Variants in RASGRF1 observed in about 807,000 individuals in gnomAD.
RASGRF1 encodes Ras protein specific guanine nucleotide releasing factor 1.
A neutral mutation model predicts 138.7 loss-of-function variants in RASGRF1; 40 were observed. That is an observed-to-expected ratio of 0.29 (90% CI 0.22 to 0.38). The LOEUF (loss-of-function observed/expected upper bound fraction) is 0.38, where lower values mean the gene tolerates loss of function less well. Among genes scored for constraint, RASGRF1 ranks in the 10% least tolerant of loss-of-function variants. RASGRF1 has a pLI of 1.00. For missense variants in RASGRF1, 1,108 were observed against 1,650.4 expected (o/e 0.67, Z 5.69); for synonymous variants, 614 against 663.2 (o/e 0.93, Z 1.14).
intron 22 of RASGRF1, among the ~76,000 whole-genome samples, chr15:78,987,723 C>A (rs993862751): frequency 1.4e-4 from 21 of 151,346 alleles, no homozygotes; most frequent in East Asian, 3.9e-4. Flanking sequence ...ACAAAAAAAA[C>A]CAAAAAACCC....
intron 3 of RASGRF1, among the ~76,000 whole-genome samples, chr15:79,049,837 G>T (rs2057406941): frequency 1.3e-5 from 2 of 152,304 alleles, no homozygotes; most frequent in South Asian, 2.1e-4. Flanking sequence ...CAGCTGGGCT[G>T]CCCAACCAGA....
chr15:78,980,525 A>G, intron 24 of RASGRF1, 95 bp downstream of exon 24: 1 of 970,172 alleles, frequency 1.0e-6, no homozygotes, highest in Non-Finnish European at 1.6e-6. Flanking sequence ...ACAGACAGAA[A>G]GACCTCCTGC....
chr15:78,987,659 G>A (rs2056187926), intron 22 of RASGRF1, among the ~76,000 whole-genome samples: 1 of 152,058 alleles, frequency 6.6e-6, no homozygotes, highest in African/African-American at 2.4e-5. Flanking sequence ...TTGTACTACT[G>A]CACTCCAGCC....
intron 1 of RASGRF1, among the ~76,000 whole-genome samples, chr15:79,090,018 C>T (rs571390159): frequency 1.3e-5 from 2 of 152,346 alleles, no homozygotes; most frequent in Admixed American, 1.3e-4. Flanking sequence ...CATCTACTCC[C>T]CGCCCTCAAT....
At chr15:79,031,610 A>G (rs2057138154) in intron 7 of RASGRF1, 101 bp from the exon 8 acceptor site, 1 of 293,762 alleles carries the variant, frequency 3.4e-6, no homozygotes, top group Non-Finnish European at 7.4e-6. Context: ...GAGAGAGAGA[A>G]AGAGGGAGAG....
intron 3 of RASGRF1, 25 bp downstream of exon 3, chr15:79,058,309 G>A (rs758769856): frequency 1.2e-6 from 2 of 1,607,678 alleles, no homozygotes; most frequent in East Asian, 2.2e-5. Context: ...CTAGGGCCTG[G>A]GCCCACCCCC....
At chr15:79,078,037 A>G (rs537543205) in intron 1 of RASGRF1, among the ~76,000 whole-genome samples, 1 of 152,092 alleles carries the variant, frequency 6.6e-6, no homozygotes, top group Admixed American at 6.5e-5. Context: ...CCCCGCCATC[A>G]TTGACCTTTG....
intron 17 of RASGRF1, 48 bp downstream of exon 17, chr15:78,999,695 G>A (rs751460565): frequency 7.5e-6 from 12 of 1,590,102 alleles, no homozygotes; most frequent in Admixed American, 6.7e-5. Flanking sequence ...ACCTGCCACT[G>A]GGGCTGACCA....
intron 3 of RASGRF1, among the ~76,000 whole-genome samples, chr15:79,055,141 G>A (rs1258451372): frequency 2.6e-5 from 4 of 152,266 alleles, no homozygotes; most frequent in South Asian, 4.1e-4. Flanking sequence ...TGGGTAAGTC[G>A]CTTCCTCCCC....
chr15:79,041,033 A>C (rs1332113896), intron 5 of RASGRF1, among the ~76,000 whole-genome samples: 1 of 152,250 alleles, frequency 6.6e-6, no homozygotes, highest in African/African-American at 2.4e-5. Flanking sequence ...TGGATGCACA[A>C]TTCTAGTAGG....
intron 5 of RASGRF1, among the ~76,000 whole-genome samples, chr15:79,041,041 A>T (rs1003288822): frequency 2.0e-5 from 3 of 152,248 alleles, no homozygotes; most frequent in African/African-American, 7.2e-5. Context: ...CAATTCTAGT[A>T]GGCACCATTC....
chr15:78,991,818 C>A, intron 20 of RASGRF1, 24 bp from the exon 21 acceptor site: 2 of 1,589,620 alleles, frequency 1.3e-6, no homozygotes, highest in Non-Finnish European at 1.7e-6. Context: ...GGGGGAGCAA[C>A]ATTTTGAGTT....
chr15:78,972,576 A>T (rs4778739), intron 25 of RASGRF1, among the ~76,000 whole-genome samples: 146,069 of 152,212 alleles, frequency 0.96, 70,377 homozygotes, highest in East Asian at 1. Context: ...TAAAGGCATC[A>T]GCCACTTCCT....
At position 78,973,507 on chromosome 15, in the gene RASGRF1, C is replaced by T; in HGVS notation, c.3495-87G>A. The T allele has an allele frequency of 4.9e-6, 5 of 1,022,928 alleles. No homozygotes were observed. Among genetic ancestry groups the T allele is most frequent in the Non-Finnish European group, 7.4e-6 (5 of 672,324 alleles). The allele number at this position is 1,022,928 out of a possible 1,614,324, so 63.4% of individuals were successfully genotyped here. On this transcript the variant is annotated intron_variant, in intron 24 of 26. Coordinates refer to ENST00000558480, the MANE Select transcript of RASGRF1 (RefSeq NM_001145648.3). The surrounding 1 kb of genome is among the most constrained non-coding windows in gnomAD (Gnocchi z 4.9). ...CAGAACATCCCGCATGCACCTTTTG[C>T]TTTGCTAGAGGCAAAGGGACTTGCA...
intron 5 of RASGRF1, among the ~76,000 whole-genome samples, chr15:79,041,205 T>C (rs1424107774): frequency 6.6e-6 from 1 of 152,220 alleles, no homozygotes; most frequent in Non-Finnish European, 1.5e-5. Context: ...ATAGCCACAC[T>C]CATTTGTTTT....
Position 78,979,026 on chromosome 15 carries a change from C to T in RASGRF1, c.3494+1594G>A, listed in dbSNP as rs749717890. Reference sequence around the variant, plus strand: ...GCAGTGGAGGCAGCGGTGGTGGCGGCGGCAGACGAGGAAGCCAGCCATGTG... The same window carrying T: ...GCAGTGGAGGCAGCGGTGGTGGCGGTGGCAGACGAGGAAGCCAGCCATGTG... On this transcript the variant is annotated intron_variant, in intron 24 of 26. Transcript: ENST00000558480. 96 of 1,293,474 alleles carry T rather than the reference C, an allele frequency of 7.4e-5. No homozygotes were observed. In the Middle Eastern group the frequency reaches 8.8e-4, roughly 12 times the overall value. The allele number at this position is 1,293,474 out of a possible 1,614,324, so 80.1% of individuals were successfully genotyped here.
chr15:79,050,333 C>T lies in RASGRF1; in HGVS notation c.532-745G>A, dbSNP rs2057413723. 6.6e-6 allele frequency among the ~76,000 whole-genome samples: 1 copy of T among 152,212 alleles called. No individual in the cohort carries two copies. Among genetic ancestry groups the T allele is most frequent in the Non-Finnish European group, 1.5e-5 (1 of 68,036 alleles). ...TGTTGCAGCGTGGGTCAATTTCCTT[C>T]CCTTTCAAGGCCAAGCAATATTCCC... On this transcript the variant is annotated intron_variant, in intron 3 of 26. Coordinates refer to ENST00000558480, the MANE Select transcript of RASGRF1 (RefSeq NM_001145648.3). The surrounding 1 kb of genome is among the most constrained non-coding windows in gnomAD (Gnocchi z 4.1).
At chr15:79,040,703 A>T (rs1181426905) in intron 5 of RASGRF1, among the ~76,000 whole-genome samples, 1 of 151,900 alleles carries the variant, frequency 6.6e-6, no homozygotes, top group Admixed American at 6.5e-5. Context: ...TTTAAAATCA[A>T]GTTTTGGTAA....
intron 24 of RASGRF1, among the ~76,000 whole-genome samples, chr15:78,978,215 C>CTTTTCTTTTCTT (rs2055915117): frequency 3.8e-5 from 3 of 79,358 alleles, no homozygotes; most frequent in African/African-American, 5.1e-5. Context: ...TTTTTCTTTT[C>CTTTTCTTTTCTT]TTTTGTTTTT....
Sources: allele counts gnomAD v4.1 joint callset (sites outside exome capture counted in the v4.1 genomes callset), GRCh38; gene constraint gnomAD v4.1.1; non-coding constraint Gnocchi (gnomAD v3.1); transcripts MANE v1.5; gene names NCBI Gene and HGNC (gene_info 2026-07-23, HGNC 2026-07-21).